Variants in ARID4B observed in about 807,000 individuals in gnomAD.
ARID4B encodes AT-rich interaction domain 4B, also known as AT-rich interactive domain-containing protein 4B.
ARID4B carries 26 observed loss-of-function variants against 147.5 expected under a neutral mutation model. The observed-to-expected ratio is 0.18, with a 90% CI of 0.13 to 0.24. The LOEUF is 0.24. Among genes scored for constraint, ARID4B ranks in the 10% least tolerant of loss-of-function variants. The probability of loss-of-function intolerance (pLI) is 1.00; values close to 1 mark genes in which losing one functional copy is unlikely to be tolerated. For synonymous variants in ARID4B, 512 were observed against 507.9 expected (o/e 1.01, Z -0.11); for missense variants, 1,179 against 1,511.5 (o/e 0.78, Z 3.65).
chr1:235,304,291 T>G (rs1010531731), intron 2 of ARID4B, among the ~76,000 whole-genome samples: 2 of 151,888 alleles, frequency 1.3e-5, no homozygotes, highest in Non-Finnish European at 2.9e-5. Flanking sequence ...GAGGCTGCAG[T>G]GAGCCAAGAT....
chr1:235,219,245 G>GA (rs1053518237), intron 16 of ARID4B, among the ~76,000 whole-genome samples: 2 of 151,924 alleles, frequency 1.3e-5, no homozygotes, highest in Non-Finnish European at 2.9e-5. Context: ...TTAAGCCTCA[G>GA]AAAAAAGATT....
chr1:235,291,707 G>T (rs1462020693), intron 2 of ARID4B, among the ~76,000 whole-genome samples: 1 of 148,824 alleles, frequency 6.7e-6, no homozygotes, highest in South Asian at 2.1e-4. Context: ...AATAGCCCGG[G>T]TGACATAGCA....
intron 8 of ARID4B, among the ~76,000 whole-genome samples, chr1:235,236,873 T>A (rs1467388055): frequency 1.3e-3 from 113 of 84,456 alleles, no homozygotes; most frequent in African/African-American, 4.9e-3. Flanking sequence ...TTTTTTTTTT[T>A]TTTTTTTTTT....
intron 2 of ARID4B, among the ~76,000 whole-genome samples, chr1:235,279,443 A>C (rs564353779): frequency 6.6e-6 from 1 of 152,346 alleles, no homozygotes; most frequent in African/African-American, 2.4e-5. Flanking sequence ...TAACATACAC[A>C]CAAAATAAAA....
At chr1:235,241,739 G>C (rs374860565) in intron 7 of ARID4B, among the ~76,000 whole-genome samples, 2 of 151,884 alleles carry the variant, frequency 1.3e-5, no homozygotes, top group African/African-American at 4.8e-5. Flanking sequence ...GGATAGTCTC[G>C]ATCTCCTGAC....
intron 2 of ARID4B, among the ~76,000 whole-genome samples, chr1:235,291,754 A>C (rs1672354031): frequency 6.6e-6 from 1 of 152,180 alleles, no homozygotes; most frequent in Non-Finnish European, 1.5e-5. Context: ...AACAAACAAA[A>C]AAACACCCAC....
chr1:235,265,199 T>C (rs185922084), intron 2 of ARID4B, among the ~76,000 whole-genome samples: 118 of 149,900 alleles, frequency 7.9e-4, no homozygotes, highest in Non-Finnish European at 1.2e-3. Flanking sequence ...ACCCCCTCTC[T>C]ACTAAAAATA....
At position 235,220,389 on chromosome 1, in the gene ARID4B, C is replaced by T. The variant is rs750525588; in HGVS notation, c.1320G>A (p.Lys440=). The T allele has an allele frequency of 6.2e-6, 10 of 1,611,102 alleles. No homozygotes were observed. The highest frequency in any genetic ancestry group is 1.3e-5 in the African/African-American group (1 of 74,956). The part of the protein sequence containing the change: ...EENETEIKEI[K]MEEERNIIPR... ...GTATTATATTCCTCTCCTCCTCCAT[C>T]TTTATTTCTTTGATCTCTGTTTCAT... Residue 440 remains lysine, a synonymous_variant, in exon 15 of 24, where the codon AAG becomes AAA. Transcript: ENST00000264183.
intron 7 of ARID4B, among the ~76,000 whole-genome samples, chr1:235,241,279 T>A (rs948634539): frequency 2.0e-5 from 3 of 152,192 alleles, no homozygotes; most frequent in African/African-American, 7.2e-5. Context: ...TTAGAATGGC[T>A]ATTATTGAAT....
chr1:235,195,822 T>A (rs1183106701), intron 18 of ARID4B, among the ~76,000 whole-genome samples: 1 of 152,194 alleles, frequency 6.6e-6, no homozygotes, highest in African/African-American at 2.4e-5. Flanking sequence ...TGGCTTTATA[T>A]AATGTTGGGA....
chr1:235,203,232 T>A (rs983185474), intron 17 of ARID4B, among the ~76,000 whole-genome samples: 1 of 152,194 alleles, frequency 6.6e-6, no homozygotes, highest in African/African-American at 2.4e-5. Flanking sequence ...TTTGTACAGA[T>A]GCATTGGCAA....
intron 23 of ARID4B, 122 bp from the exon 24 acceptor site, chr1:235,168,774 A>C (rs1663114794): frequency 9.9e-7 from 1 of 1,014,030 alleles, no homozygotes; most frequent in Non-Finnish European, 1.4e-6. Flanking sequence ...AGCTTACAAC[A>C]ACAGTGGTCA....
chr1:235,255,267 A>AGATG (rs1553304359), intron 5 of ARID4B, among the ~76,000 whole-genome samples: 2 of 137,154 alleles, frequency 1.5e-5, no homozygotes, highest in Non-Finnish European at 3.2e-5. Context: ...AGATAGATAT[A>AGATG]TATCTCTCTC....
intron 16 of ARID4B, among the ~76,000 whole-genome samples, chr1:235,216,137 T>C (rs1405824880): frequency 6.6e-6 from 1 of 152,062 alleles, no homozygotes; most frequent in Non-Finnish European, 1.5e-5. Flanking sequence ...TAAGTCCGTG[T>C]TCACGAAAGT....
chr1:235,175,208 C>T lies in ARID4B; in HGVS notation c.3640G>A (p.Val1214Ile). 1.9e-6 allele frequency: 3 copies of T among 1,614,116 alleles called. No individual in the cohort carries two copies. Among genetic ancestry groups the T allele is most frequent in the Non-Finnish European group, 2.5e-6 (3 of 1,179,986 alleles). The change falls in exon 22 of 24, where the codon GTT becomes ATT. Residue 1214 changes from valine (V) to isoleucine (I), a missense_variant. Transcript: ENST00000264183. ...CACATCTGAAAACTCCATTTGTAAACTTTGGGTAATCGATTACTGGGTTCC... is the reference window on the plus strand; with the variant it reads ...CACATCTGAAAACTCCATTTGTAAATTTTGGGTAATCGATTACTGGGTTCC... Reference protein sequence around the residue: ...LKEPSNRLPKVYKWSFQMSDL... With the variant: ...LKEPSNRLPKIYKWSFQMSDL...
intron 5 of ARID4B, among the ~76,000 whole-genome samples, chr1:235,255,263 A>ATCTATC (rs746915541): frequency 2.1e-3 from 195 of 90,812 alleles, no homozygotes; most frequent in African/African-American, 7.3e-3. Context: ...AGATAGATAG[A>ATCTATC]TATATATCTC....
At chr1:235,188,466 T>C (rs2102942766) in intron 19 of ARID4B, among the ~76,000 whole-genome samples, 1 of 152,242 alleles carries the variant, frequency 6.6e-6, no homozygotes, top group East Asian at 1.9e-4. Context: ...GATGCCTAGA[T>C]CCCCACCTCA....
At chr1:235,322,736 T>C (rs140896305) in intron 2 of ARID4B, among the ~76,000 whole-genome samples, 2 of 152,290 alleles carry the variant, frequency 1.3e-5, no homozygotes, top group African/African-American at 4.8e-5. Flanking sequence ...ACCTTCATTC[T>C]ATATTACCTG....
intron 2 of ARID4B, among the ~76,000 whole-genome samples, chr1:235,281,450 C>A (rs1671667498): frequency 6.7e-6 from 1 of 148,274 alleles, no homozygotes; most frequent in Non-Finnish European, 1.5e-5. Context: ...ACACGGGAGG[C>A]TGAGGCACAA....
Sources: allele counts gnomAD v4.1 joint callset (sites outside exome capture counted in the v4.1 genomes callset), GRCh38; gene constraint gnomAD v4.1.1; transcripts MANE v1.5; gene names NCBI Gene and HGNC (gene_info 2026-07-23, HGNC 2026-07-21).